The following EYS variants were observed in gnomAD, a reference collection of about 807,000 sequenced individuals.
EYS encodes EGF-like photoreceptor maintenance factor, also known as protein eyes shut homolog.
EYS carries 250 observed loss-of-function variants against 282.1 expected under a neutral mutation model. That is an observed-to-expected ratio of 0.89 (90% CI 0.80 to 0.98). The LOEUF is 0.98. Among genes scored for constraint, EYS ranks in the 50% least tolerant of loss-of-function variants. EYS has a pLI of 0.00. For synonymous variants in EYS, 1,355 were observed against 1,282.9 expected, an observed-to-expected ratio of 1.06 and a Z score of -1.20; for missense variants, 4,016 against 3,709.0, an observed-to-expected ratio of 1.08 and a Z score of -2.15.
intron 35 of EYS, among the ~76,000 whole-genome samples, chr6:63,876,192 A>G (rs1772964741): frequency 6.6e-6 from 1 of 152,166 alleles, no homozygotes; most frequent in Admixed American, 6.5e-5. Context: ...CATTGGTTTC[A>G]AAGAACATCT....
At chr6:64,707,392 A>C (rs62418865) in intron 22 of EYS, among the ~76,000 whole-genome samples, 3 of 151,674 alleles carry the variant, frequency 2.0e-5, no homozygotes, top group Non-Finnish European at 4.4e-5. Flanking sequence ...ATTGGGGGCC[A>C]GGCATGGTGG....
At chr6:63,771,333 C>T (rs998418517) in intron 40 of EYS, among the ~76,000 whole-genome samples, 1 of 152,038 alleles carries the variant, frequency 6.6e-6, no homozygotes, top group African/African-American at 2.4e-5. Flanking sequence ...AGTGGAATTG[C>T]CATGTATTTA....
Position 63,721,558 on chromosome 6 carries a change from C to T in EYS, c.8473G>A (p.Gly2825Arg). 1 of 1,551,790 alleles carries T rather than the reference C, an allele frequency of 6.4e-7. No individual in the cohort carries two copies. The highest frequency in any genetic ancestry group is 8.7e-7 in the Non-Finnish European group (1 of 1,146,902). ...LDTNTDFYIG[G>R]VSSLNLVNPM... is the part of the protein sequence containing the mutation. ...TTTACAAGATTTAAAGAAGATACTC[C>T]TCCAATATAGAAGTCTGTATTTGTG... The change falls in exon 43 of 43, where the codon GGA (glycine) becomes AGA (arginine). Residue 2825 changes from glycine to arginine, a missense_variant. Gly to Arg is a moderately radical substitution (Grantham distance 125). Coordinates refer to ENST00000503581, the MANE Select transcript of EYS (RefSeq NM_001142800.2).
chr6:65,061,215 A>G (rs1214983400), intron 12 of EYS, among the ~76,000 whole-genome samples: 1 of 151,894 alleles, frequency 6.6e-6, no homozygotes, highest in African/African-American at 2.4e-5. Flanking sequence ...TGAGATTTCA[A>G]TTTGATTCAG....
chr6:64,850,959 A>G (rs1481284360), intron 19 of EYS, among the ~76,000 whole-genome samples: 1 of 152,118 alleles, frequency 6.6e-6, no homozygotes, highest in Non-Finnish European at 1.5e-5. Flanking sequence ...TAGTTGGCAT[A>G]TGTTGATAAT....
At chr6:64,711,934 A>C (rs1414731623) in intron 22 of EYS, among the ~76,000 whole-genome samples, 1 of 152,218 alleles carries the variant, frequency 6.6e-6, no homozygotes, top group African/African-American at 2.4e-5. Flanking sequence ...AGTTGGGCAC[A>C]ACAGTGTGGA....
intron 14 of EYS, among the ~76,000 whole-genome samples, chr6:64,949,428 T>C (rs879718568): frequency 1.3e-5 from 2 of 151,884 alleles, no homozygotes; most frequent in Non-Finnish European, 2.9e-5. Context: ...TCTCAGCGTT[T>C]AGAAGGTATT....
At position 64,590,980 on chromosome 6, in the gene EYS, TA is replaced by T; in HGVS notation, c.4886del (p.Leu1629TyrfsTer50). The T allele has an allele frequency of 6.4e-7, 1 of 1,551,238 alleles. No individual in the cohort carries two copies. The highest frequency in any genetic ancestry group is 8.7e-7 in the Non-Finnish European group (1 of 1,146,752). On this transcript the variant is annotated frameshift_variant, in exon 26 of 43. Coordinates refer to ENST00000503581, the MANE Select transcript of EYS (RefSeq NM_001142800.2). LOFTEE classifies it high-confidence loss of function. ...PSVAFTEVPS[L>X]FPSKKSAKRT... ...TTTTTGCACTCTTTTTAGAAGGAAA[TA>T]AAGATGGCACTTCTGTGAATGCCAC... is the stretch of plus-strand genomic sequence containing the variant.
chr6:64,943,210 T>C (rs1769157815), intron 15 of EYS, among the ~76,000 whole-genome samples: 1 of 151,910 alleles, frequency 6.6e-6, no homozygotes, highest in South Asian at 2.1e-4. Flanking sequence ...TATCTCAAAA[T>C]AATAAGAGCC....
intron 29 of EYS, among the ~76,000 whole-genome samples, chr6:64,322,934 C>T (rs1263790884): frequency 6.6e-6 from 1 of 152,020 alleles, no homozygotes; most frequent in Non-Finnish European, 1.5e-5. Context: ...CTCTTTTCCA[C>T]AGTACAATCT....
At chr6:64,360,985 G>A (rs999640046) in intron 29 of EYS, among the ~76,000 whole-genome samples, 1 of 151,602 alleles carries the variant, frequency 6.6e-6, no homozygotes, top group African/African-American at 2.4e-5. Context: ...ACCCAGAAGT[G>A]TTTTTCCTTG....
chr6:64,801,544 TTGA>T (rs68010212), intron 22 of EYS, among the ~76,000 whole-genome samples: 62,611 of 151,710 alleles, frequency 0.41, 15,288 homozygotes, highest in Admixed American at 0.59. Flanking sequence ...ATACTCTGGG[TTGA>T]TGATAACTGA....
At chr6:64,808,182 A>T (rs1451199203) in intron 22 of EYS, among the ~76,000 whole-genome samples, 1 of 151,490 alleles carries the variant, frequency 6.6e-6, no homozygotes, top group East Asian at 1.9e-4. Context: ...CACACTAAGG[A>T]TTTACAGTAT....
intron 1 of EYS, among the ~76,000 whole-genome samples, chr6:65,679,405 T>C (rs1352490937): frequency 1.3e-5 from 2 of 151,982 alleles, no homozygotes; most frequent in South Asian, 4.1e-4. Flanking sequence ...TAAATGACAC[T>C]TGAGGACATC....
chr6:64,972,674 T>C (rs1342408268), intron 14 of EYS, among the ~76,000 whole-genome samples: 1 of 152,184 alleles, frequency 6.6e-6, no homozygotes, highest in Non-Finnish European at 1.5e-5. Flanking sequence ...ATGCATATAA[T>C]ATAGAAAACG....
intron 30 of EYS, among the ~76,000 whole-genome samples, chr6:64,288,643 T>G (rs954893162): frequency 2.0e-5 from 3 of 152,090 alleles, no homozygotes; most frequent in Admixed American, 6.6e-5. Context: ...CTCTACTTTA[T>G]TTTCCTTTTC....
rs150464839 is a variant in EYS at position 65,471,388 on chromosome 6, C to T, written c.862+19206G>A. ...TCTAGCCTGGGCAACAACGTGAGACCCTGTTTTAAAAACAAAAACAAAAAA... is the reference window on the plus strand; with the variant it reads ...TCTAGCCTGGGCAACAACGTGAGACTCTGTTTTAAAAACAAAAACAAAAAA... On this transcript the variant is annotated intron_variant, in intron 5 of 42. Coordinates refer to ENST00000503581, the MANE Select transcript of EYS (RefSeq NM_001142800.2). 5.7e-4 allele frequency among the ~76,000 whole-genome samples: 86 copies of T among 151,658 alleles called. 1 individual carries two copies. Among genetic ancestry groups the T allele is most frequent in the Middle Eastern group, 3.4e-3 (1 of 294 alleles).
chr6:64,679,606 C>A (rs528366836), intron 22 of EYS, among the ~76,000 whole-genome samples: 2 of 152,010 alleles, frequency 1.3e-5, no homozygotes, highest in East Asian at 1.9e-4. Context: ...AAAACATGAC[C>A]AAATTTCCCT....
At position 64,639,106 on chromosome 6, in the gene EYS, T is replaced by C. The variant is rs559895016; in HGVS notation, c.3444-12861A>G. On this transcript the variant is annotated intron_variant, in intron 22 of 42. Transcript: ENST00000503581. ...GCCGTCTCCTTGACTTGTGAGAGAC[T>C]GTCTCCTCCTTGTGTCTTTGCATGG... Among the ~76,000 whole-genome samples the C allele has an allele frequency of 3.1e-4, 28 of 89,650 alleles. 9 individuals carry two copies. Among genetic ancestry groups the C allele is most frequent in the African/African-American group, 1.2e-3 (28 of 22,554 alleles). 58.8% of individuals were successfully genotyped at this position (89,650 alleles called of 152,430 possible).
Sources: gnomAD v4.1 joint callset for allele counts (sites outside exome capture counted in the v4.1 genomes callset) on GRCh38, gnomAD v4.1.1 for gene constraint, MANE v1.5 for transcripts, NCBI Gene and HGNC (gene_info 2026-07-23, HGNC 2026-07-21) for gene names.